DSCAM: variants seen among roughly 807,000 people sequenced by gnomAD.
The protein encoded by DSCAM is cell adhesion molecule DSCAM.
A neutral mutation model predicts 217.7 loss-of-function variants in DSCAM; 47 were observed. The ratio of observed to expected loss-of-function variants is 0.22; its 90% CI spans 0.17 to 0.28. The LOEUF (loss-of-function observed/expected upper bound fraction) is 0.28, where lower values mean the gene tolerates loss of function less well. Ranked by LOEUF, DSCAM falls within the 10% of genes least tolerant of loss-of-function variation. DSCAM has a pLI of 1.00. For synonymous variants in DSCAM, 1,056 were observed against 1,015.3 expected (o/e 1.04, Z -0.76); for missense variants, 2,080 against 2,618.3 (o/e 0.79, Z 4.49).
chr21:40,143,487 G>A (rs1052215171), intron 17 of DSCAM, among the ~76,000 whole-genome samples: 2 of 152,200 alleles, frequency 1.3e-5, no homozygotes, highest in African/African-American at 4.8e-5. Context: ...AGTCCTATCT[G>A]CCTCCGCAAA....
chr21:40,230,992 C>A (rs1003382765), intron 11 of DSCAM, among the ~76,000 whole-genome samples: 1 of 151,382 alleles, frequency 6.6e-6, no homozygotes, highest in Non-Finnish European at 1.5e-5. Flanking sequence ...TTCTCTGAAG[C>A]CTTGACTCTC....
chr21:40,530,459 C>A (rs909163600), intron 3 of DSCAM, among the ~76,000 whole-genome samples: 13 of 152,158 alleles, frequency 8.5e-5, no homozygotes, highest in African/African-American at 1.4e-4. Context: ...TGAGTTTACA[C>A]TGAAAGTAAA....
chr21:40,050,934 A>G (rs1300129782), intron 30 of DSCAM, among the ~76,000 whole-genome samples: 1 of 152,366 alleles, frequency 6.6e-6, no homozygotes. Context: ...TTTAGAATGT[A>G]GAATATTCTT....
intron 1 of DSCAM, among the ~76,000 whole-genome samples, chr21:40,764,727 A>G (rs913573096): frequency 6.6e-6 from 1 of 152,222 alleles, no homozygotes; most frequent in Non-Finnish European, 1.5e-5. Flanking sequence ...TAGACTGGAT[A>G]AAGAAAATAT....
chr21:40,816,520 G>T (rs1005976990), intron 1 of DSCAM, among the ~76,000 whole-genome samples: 1 of 152,136 alleles, frequency 6.6e-6, no homozygotes, highest in Admixed American at 6.5e-5. Flanking sequence ...AGCTTCCAGC[G>T]AGCCGAGATT....
chr21:40,368,575 T>C (rs1418665695), intron 4 of DSCAM, among the ~76,000 whole-genome samples: 6 of 152,216 alleles, frequency 3.9e-5, no homozygotes, highest in Non-Finnish European at 8.8e-5. Flanking sequence ...ATGTTTTAAA[T>C]TATTCCAATG....
intron 11 of DSCAM, among the ~76,000 whole-genome samples, chr21:40,255,315 G>C (rs1304253511): frequency 6.6e-6 from 1 of 152,150 alleles, no homozygotes; most frequent in Admixed American, 6.5e-5. Context: ...TATGGTTTGA[G>C]ATAATGTTAC....
rs368511090 is a variant in DSCAM, at chr21:40,142,649, T to G, written c.3315A>C (p.Ile1105=). 6.8e-6 allele frequency: 11 copies of G among 1,614,102 alleles called. No individual in the cohort carries two copies. The African/African-American group carries it at 1.3e-4, about 20-fold the overall frequency. Residue 1105 remains isoleucine, a synonymous_variant, in exon 18 of 33, where the codon ATA becomes ATC. Transcript: ENST00000400454. ...TGGAAAGTGTGGACCAGGATATTGATATGCTTTCTGGTGATGTTGCTATGG... is the reference window on the plus strand; with the variant it reads ...TGGAAAGTGTGGACCAGGATATTGAGATGCTTTCTGGTGATGTTGCTATGG... ...VQAIATSPES[I]SISWSTLSKE...
chr21:40,366,749 T>C (rs2074837024), intron 4 of DSCAM, among the ~76,000 whole-genome samples: 1 of 152,150 alleles, frequency 6.6e-6, no homozygotes, highest in South Asian at 2.1e-4. Flanking sequence ...GAGTATATTT[T>C]TCCAGTCTTC....
intron 3 of DSCAM, among the ~76,000 whole-genome samples, chr21:40,570,406 C>G (rs959902951): frequency 5.9e-5 from 9 of 152,204 alleles, no homozygotes; most frequent in African/African-American, 2.2e-4. Context: ...ACCAGCCCGA[C>G]AGAAGGACAG....
chr21:40,719,272 T>A (rs1420263009), intron 1 of DSCAM, among the ~76,000 whole-genome samples: 1 of 152,170 alleles, frequency 6.6e-6, no homozygotes, highest in African/African-American at 2.4e-5. Context: ...CTACTACACA[T>A]CCACCAAAAT....
At position 40,246,354 on chromosome 21, in the gene DSCAM, T is replaced by TAAAA. The variant is rs34308158; in HGVS notation, c.2356+29739_2356+29742dup. ...CAACATGATGAAACCCAGTCCGTACTAAAAAAAAAAAAAAAAAAAAAAAAA... is the reference window on the plus strand; with the variant it reads ...CAACATGATGAAACCCAGTCCGTACTAAAAAAAAAAAAAAAAAAAAAAAAAAAAA... On this transcript the variant is annotated intron_variant, in intron 11 of 32. Transcript: ENST00000400454. Among the ~76,000 whole-genome samples the TAAAA allele has an allele frequency of 7.9e-4, 11 of 13,938 alleles. 3 individuals carry two copies. Among genetic ancestry groups the TAAAA allele is most frequent in the East Asian group, 4.6e-3 (2 of 436 alleles). The allele number at this position is 13,938 out of a possible 152,430, so 9.1% of individuals were successfully genotyped here.
At chr21:40,497,723 A>G (rs924874371) in intron 3 of DSCAM, among the ~76,000 whole-genome samples, 8 of 152,220 alleles carry the variant, frequency 5.3e-5, no homozygotes, top group African/African-American at 1.9e-4. Flanking sequence ...TGTTGTACAC[A>G]ATAAATATAT....
intron 3 of DSCAM, among the ~76,000 whole-genome samples, chr21:40,465,238 C>T (rs1049469225): frequency 6.6e-6 from 1 of 152,090 alleles, no homozygotes; most frequent in Non-Finnish European, 1.5e-5. Flanking sequence ...GATGTGTTGT[C>T]CTTTTGCTGC....
intron 27 of DSCAM, among the ~76,000 whole-genome samples, chr21:40,071,639 G>C (rs1377314798): frequency 6.6e-6 from 1 of 152,074 alleles, no homozygotes; most frequent in African/African-American, 2.4e-5. Context: ...TTCCATTTTT[G>C]ATCCTGATAG....
intron 15 of DSCAM, among the ~76,000 whole-genome samples, chr21:40,171,274 C>T (rs567899115): frequency 6.3e-4 from 95 of 151,972 alleles, no homozygotes; most frequent in African/African-American, 2.1e-3. Flanking sequence ...GATGGGGTTT[C>T]GCCATGTTGC....
At chr21:40,643,864 T>G (rs2089912093) in intron 3 of DSCAM, among the ~76,000 whole-genome samples, 1 of 152,216 alleles carries the variant, frequency 6.6e-6, no homozygotes, top group Non-Finnish European at 1.5e-5. Context: ...GTCTTGGACT[T>G]CCAGCCTCCA....
chr21:40,183,545 A>G (rs1283084517), intron 14 of DSCAM, among the ~76,000 whole-genome samples: 2 of 152,204 alleles, frequency 1.3e-5, no homozygotes. Flanking sequence ...GGAAAAGAGT[A>G]AACCAAGGAA....
intron 32 of DSCAM, among the ~76,000 whole-genome samples, chr21:40,036,553 C>G (rs944116704): frequency 6.9e-6 from 1 of 145,710 alleles, no homozygotes; most frequent in African/African-American, 2.7e-5. Context: ...GAGTCCAGGA[C>G]CAGATGGATT....
Sources: gnomAD v4.1 joint callset for allele counts (sites outside exome capture counted in the v4.1 genomes callset) on GRCh38, gnomAD v4.1.1 for gene constraint, MANE v1.5 for transcripts, NCBI Gene and HGNC (gene_info 2026-07-23, HGNC 2026-07-21) for gene names.